Variants in PAN3 observed in about 807,000 individuals in gnomAD.
The protein encoded by PAN3 is poly(A) specific ribonuclease subunit PAN3, also known as PAN2-PAN3 deadenylation complex subunit PAN3.
PAN3 carries 19 observed loss-of-function variants against 96.2 expected under a neutral mutation model. That is an observed-to-expected ratio of 0.20 (90% CI 0.14 to 0.29). The LOEUF is 0.29. PAN3 is among the 10% of genes least tolerant of loss of function. The pLI, the probability that PAN3 is intolerant of heterozygous loss-of-function variation, is 1.00. For synonymous variants in PAN3, 433 were observed against 406.6 expected, an observed-to-expected ratio of 1.06 and a Z score of -0.78; for missense variants, 882 against 1,108.1, an observed-to-expected ratio of 0.80 and a Z score of 2.90.
intron 16 of PAN3, among the ~76,000 whole-genome samples, chr13:28,281,094 CT>C (rs1887436766): frequency 6.6e-6 from 1 of 152,162 alleles, no homozygotes; most frequent in Admixed American, 6.5e-5. Flanking sequence ...ATGTGAGTTA[CT>C]TTTCCAATTC....
Position 28,220,329 on chromosome 13 carries a change from T to A in PAN3, c.951T>A (p.Val317=). The change falls in exon 6 of 19, where the codon GTT becomes GTA. Residue 317 remains valine, a synonymous_variant. Coordinates refer to ENST00000380958, the MANE Select transcript of PAN3 (RefSeq NM_175854.8). ...SQSNMSAFSQ[V]FSHPSMGSPA... ...CAAATATGTCTGCCTTCTCTCAAGT[T>A]TTCTCTCACCCATCCATGGGAAGCC... 1 of 1,613,768 alleles carries A rather than the reference T, an allele frequency of 6.2e-7. No individual in the cohort carries two copies. The highest frequency in any genetic ancestry group is 8.5e-7 in the Non-Finnish European group (1 of 1,179,764).
intron 1 of PAN3, among the ~76,000 whole-genome samples, chr13:28,158,371 A>G (rs552478614): frequency 1.3e-5 from 2 of 152,244 alleles, no homozygotes; most frequent in Non-Finnish European, 2.9e-5. Flanking sequence ...GAGCTTCTGC[A>G]CAGCAAAAGA....
At chr13:28,267,804 C>T (rs1282506620) in intron 12 of PAN3, among the ~76,000 whole-genome samples, 1 of 152,146 alleles carries the variant, frequency 6.6e-6, no homozygotes, top group East Asian at 1.9e-4. Context: ...TCAGTTATCT[C>T]CCACCAGCTC....
At chr13:28,228,741 G>T (rs370105041) in intron 6 of PAN3, among the ~76,000 whole-genome samples, 1 of 152,256 alleles carries the variant, frequency 6.6e-6, no homozygotes, top group South Asian at 2.1e-4. Flanking sequence ...TGTAAAGGGT[G>T]TCAGTGTATT....
chr13:28,208,153 A>G (rs1011454646), intron 5 of PAN3, among the ~76,000 whole-genome samples: 13 of 152,206 alleles, frequency 8.5e-5, no homozygotes, highest in Admixed American at 8.5e-4. Context: ...TTTATGATTA[A>G]TATGGTAGGA....
At chr13:28,248,912 T>C (rs1185177317) in intron 6 of PAN3, among the ~76,000 whole-genome samples, 1 of 152,200 alleles carries the variant, frequency 6.6e-6, no homozygotes, top group Non-Finnish European at 1.5e-5. Context: ...GTTTTTATCA[T>C]AAAGGGATGT....
intron 1 of PAN3, 94 bp downstream of exon 1, chr13:28,139,181 C>G (rs982107285): frequency 8.2e-7 from 1 of 1,213,882 alleles, no homozygotes; most frequent in Non-Finnish European, 1.0e-6. Flanking sequence ...GCACGGCCCG[C>G]GGGCTCCCCC....
chr13:28,141,284 T>A, intron 1 of PAN3, among the ~76,000 whole-genome samples: 1 of 151,544 alleles, frequency 6.6e-6, no homozygotes, highest in African/African-American at 2.4e-5. Flanking sequence ...GGATTACAGG[T>A]GTGAGCCACT....
intron 6 of PAN3, among the ~76,000 whole-genome samples, chr13:28,220,675 A>G (rs1396159024): frequency 6.6e-6 from 1 of 152,182 alleles, no homozygotes; most frequent in Non-Finnish European, 1.5e-5. Flanking sequence ...CTATTTTTAA[A>G]ACTTTGTGCT....
chr13:28,138,873 C>A lies in PAN3; in HGVS notation c.216C>A (p.Ala72=). Residue 72 remains alanine, a synonymous_variant, in exon 1 of 19, where the codon GCC becomes GCA. Transcript: ENST00000380958. Reference sequence around the variant, plus strand: ...GTCAGTTCCTGCATGAGGACCCTGCCGCCGGGGCTGCCCCGGGCCTCGGCC... The same window carrying A: ...GTCAGTTCCTGCATGAGGACCCTGCAGCCGGGGCTGCCCCGGGCCTCGGCC... ...EECQFLHEDP[A]AGAAPGLGLH... 7.0e-7 allele frequency: 1 copy of A among 1,422,698 alleles called. No individual in the cohort carries two copies. The highest frequency in any genetic ancestry group is 1.5e-5 in the African/African-American group (1 of 67,558). 88.1% of individuals were successfully genotyped at this position (1,422,698 alleles called of 1,614,324 possible). A position where few individuals can be genotyped will look rare whatever the true frequency, so the allele number is the denominator to read the frequency against.
At chr13:28,174,225 C>G (rs1361082211) in intron 1 of PAN3, 47 bp from the exon 2 acceptor site, 1 of 1,565,282 alleles carries the variant, frequency 6.4e-7, no homozygotes, top group Admixed American at 1.8e-5. Context: ...ATCAATGTTT[C>G]ATCCTCTGAA....
chr13:28,139,691 C>T (rs1435735837), intron 1 of PAN3, among the ~76,000 whole-genome samples: 6 of 151,960 alleles, frequency 3.9e-5, no homozygotes, highest in South Asian at 2.1e-4. Flanking sequence ...CGGACTGTCG[C>T]GTTCAAAGTG....
At chr13:28,262,241 A>G (rs1481293206) in intron 9 of PAN3, among the ~76,000 whole-genome samples, 1 of 152,244 alleles carries the variant, frequency 6.6e-6, no homozygotes, top group Non-Finnish European at 1.5e-5. Flanking sequence ...TTCCAGACTT[A>G]AAACTAGGTT....
chr13:28,176,755 CCAG>C (rs1875062929), intron 3 of PAN3, among the ~76,000 whole-genome samples, 196 bp downstream of exon 3: 1 of 151,614 alleles, frequency 6.6e-6, no homozygotes. Flanking sequence ...GCCTGTAATC[CCAG>C]CACTTTGGGA....
chr13:28,157,647 C>T (rs1428521591), intron 1 of PAN3, among the ~76,000 whole-genome samples: 1 of 152,048 alleles, frequency 6.6e-6, no homozygotes, highest in African/African-American at 2.4e-5. Context: ...ATACAGCTAA[C>T]CAGGGAGGTG....
At chr13:28,215,126 A>G in intron 5 of PAN3, 1 of 768,640 alleles carries the variant, frequency 1.3e-6, no homozygotes, top group Non-Finnish European at 2.3e-6. Flanking sequence ...TGCTGGAGCC[A>G]AGTGCTAACA....
At chr13:28,197,496 A>C in intron 5 of PAN3, 150 bp downstream of exon 5, 1 of 576,588 alleles carries the variant, frequency 1.7e-6, no homozygotes, top group Non-Finnish European at 2.7e-6. Flanking sequence ...AAAGTTAGTG[A>C]CCCTTAACCA....
At chr13:28,204,522 G>A (rs1023884894) in intron 5 of PAN3, among the ~76,000 whole-genome samples, 1 of 152,150 alleles carries the variant, frequency 6.6e-6, no homozygotes, top group Admixed American at 6.5e-5. Context: ...TTAGAGTACA[G>A]CCTGCAGTTA....
chr13:28,202,499 T>C (rs1878852512), intron 5 of PAN3, among the ~76,000 whole-genome samples: 1 of 152,214 alleles, frequency 6.6e-6, no homozygotes, highest in Admixed American at 6.5e-5. Context: ...ATGAGGTCTT[T>C]TATGTTACAT....
Sources: gnomAD v4.1 joint callset for allele counts (sites outside exome capture counted in the v4.1 genomes callset) on GRCh38, gnomAD v4.1.1 for gene constraint, MANE v1.5 for transcripts, NCBI Gene and HGNC (gene_info 2026-07-23, HGNC 2026-07-21) for gene names.